Variants in SPATA16 observed in about 807,000 individuals in gnomAD.
SPATA16 encodes spermatogenesis-associated protein 16.
SPATA16 carries 36 observed loss-of-function variants against 63.3 expected under a neutral mutation model. The observed-to-expected ratio is 0.57, with a 90% CI of 0.44 to 0.75. The LOEUF (loss-of-function observed/expected upper bound fraction) is 0.75, where lower values mean the gene tolerates loss of function less well. SPATA16 is among the 30% of genes least tolerant of loss of function. The pLI, the probability that SPATA16 is intolerant of heterozygous loss-of-function variation, is 0.00. For missense variants in SPATA16, 646 were observed against 679.3 expected, an observed-to-expected ratio of 0.95 and a Z score of 0.54; for synonymous variants, 203 against 216.7, an observed-to-expected ratio of 0.94 and a Z score of 0.56.
At chr3:173,094,561 G>A (rs982354561) in intron 2 of SPATA16, among the ~76,000 whole-genome samples, 2 of 152,124 alleles carry the variant, frequency 1.3e-5, no homozygotes, top group East Asian at 1.9e-4. Context: ...ATATTTTAAA[G>A]GTTTTTGGAT....
At chr3:173,049,218 G>T in intron 2 of SPATA16, 124 bp from the exon 3 acceptor site, 2 of 1,032,742 alleles carry the variant, frequency 1.9e-6, no homozygotes, top group Non-Finnish European at 2.8e-6. Flanking sequence ...TATGTTTTGC[G>T]TATATGTTAA....
intron 6 of SPATA16, among the ~76,000 whole-genome samples, chr3:172,934,958 A>G (rs1057084364): frequency 3.3e-5 from 5 of 152,148 alleles, no homozygotes; most frequent in African/African-American, 1.2e-4. Flanking sequence ...GACCACTATT[A>G]TTATTATCTA....
chr3:173,027,375 T>A (rs901678548), intron 3 of SPATA16, among the ~76,000 whole-genome samples: 1 of 151,990 alleles, frequency 6.6e-6, no homozygotes, highest in Non-Finnish European at 1.5e-5. Context: ...GATGACTTAT[T>A]TATTTCTTTC....
At chr3:173,028,403 A>G (rs1735518681) in intron 3 of SPATA16, among the ~76,000 whole-genome samples, 1 of 152,026 alleles carries the variant, frequency 6.6e-6, no homozygotes, top group South Asian at 2.1e-4. Flanking sequence ...GATCTGTGTT[A>G]TTATGAAATA....
At chr3:173,121,001 A>C (rs759806266) in intron 1 of SPATA16, among the ~76,000 whole-genome samples, 1 of 152,198 alleles carries the variant, frequency 6.6e-6, no homozygotes, top group Non-Finnish European at 1.5e-5. Context: ...GTATCTAAGC[A>C]AATGTTTAGC....
rs764534706 is a variant in SPATA16, at chr3:173,117,574, C to A, written c.158G>T (p.Gly53Val). 1 of 1,613,728 alleles carries A rather than the reference C, an allele frequency of 6.2e-7. No individual in the cohort carries two copies. Among genetic ancestry groups the A allele is most frequent in the Non-Finnish European group, 8.5e-7 (1 of 1,179,860 alleles). ...TTCAAGTGTGATTTCTACCTGTTTACCTCCACAGTTTTTCTTAATCTCTTG... is the reference window on the plus strand; with the variant it reads ...TTCAAGTGTGATTTCTACCTGTTTAACTCCACAGTTTTTCTTAATCTCTTG... The part of the protein sequence containing the change: ...MSQEIKKNCG[G>V]KQVEITLERT... Residue 53 changes from glycine to valine, a missense_variant, in exon 2 of 11, where the codon GGT becomes GTT. Transcript: ENST00000351008.
chr3:173,131,965 T>A (rs1318544391), intron 1 of SPATA16, among the ~76,000 whole-genome samples: 3 of 150,468 alleles, frequency 2.0e-5, no homozygotes, highest in African/African-American at 7.3e-5. Flanking sequence ...AGATAACAAT[T>A]AAAAAAAAAC....
At position 173,000,193 on chromosome 3, in the gene SPATA16, T is replaced by C. The variant is rs527849706; in HGVS notation, c.848+19293A>G. The stretch of plus-strand genomic sequence containing the variant: ...TTGCCCTTTCCAGCATGTGAGGACA[T>C]AGAAGGAGCCATCTATGAGGAACAG... On this transcript the variant is annotated intron_variant, in intron 4 of 10. Transcript: ENST00000351008. Among the ~76,000 whole-genome samples, 125 of 152,308 alleles carry C rather than the reference T, an allele frequency of 8.2e-4. 1 individual carries two copies. The highest frequency in any genetic ancestry group is 2.9e-3 in the African/African-American group (121 of 41,556).
chr3:172,936,380 T>G (rs1220543601), intron 6 of SPATA16, among the ~76,000 whole-genome samples: 1 of 152,236 alleles, frequency 6.6e-6, no homozygotes, highest in Non-Finnish European at 1.5e-5. Flanking sequence ...GTGAACACAT[T>G]GAAGTTATAG....
chr3:173,051,933 G>A (rs944659985), intron 2 of SPATA16, among the ~76,000 whole-genome samples: 1 of 151,456 alleles, frequency 6.6e-6, no homozygotes, highest in East Asian at 2.0e-4. Context: ...TGCCTCAGCC[G>A]CCCAAGTAAC....
At chr3:172,989,738 C>T (rs973320253) in intron 4 of SPATA16, among the ~76,000 whole-genome samples, 1 of 152,154 alleles carries the variant, frequency 6.6e-6, no homozygotes, top group African/African-American at 2.4e-5. Context: ...GTATTCTGCC[C>T]AGGTCTTAAC....
At chr3:173,120,719 C>T (rs1306582069) in intron 1 of SPATA16, among the ~76,000 whole-genome samples, 1 of 152,128 alleles carries the variant, frequency 6.6e-6, no homozygotes, top group East Asian at 1.9e-4. Flanking sequence ...CTCTCCATTT[C>T]CCTCCATCCC....
At chr3:173,093,211 T>TTAGAAGATAG (rs1186432928) in intron 2 of SPATA16, among the ~76,000 whole-genome samples, 14 of 152,236 alleles carry the variant, frequency 9.2e-5, no homozygotes, top group African/African-American at 2.9e-4. Flanking sequence ...AATGGTGGTG[T>TTAGAAGATAG]TAGAAGATAG....
At chr3:172,955,538 T>G (rs1198002203) in intron 6 of SPATA16, among the ~76,000 whole-genome samples, 2 of 152,192 alleles carry the variant, frequency 1.3e-5, no homozygotes, top group Non-Finnish European at 2.9e-5. Flanking sequence ...CGTATTATGC[T>G]TCTCCTCTTC....
chr3:173,131,373 A>G (rs777833442), intron 1 of SPATA16, among the ~76,000 whole-genome samples: 19 of 152,168 alleles, frequency 1.2e-4, no homozygotes, highest in Non-Finnish European at 2.6e-4. Context: ...TAAGAAGGCT[A>G]TGAAGAGGGT....
At position 173,119,044 on chromosome 3, in the gene SPATA16, C is replaced by T. The variant is rs572177383; in HGVS notation, c.-18-1295G>A. 3.3e-5 allele frequency among the ~76,000 whole-genome samples: 5 copies of T among 152,160 alleles called. No homozygotes were observed. In the East Asian group the frequency reaches 9.7e-4, roughly 29 times the overall value. The stretch of plus-strand genomic sequence containing the variant: ...TGTTTGTTTGGAAGACAGTAGTTTG[C>T]CGAAGAAGACCCTTAAAACCAAACA... On this transcript the variant is annotated intron_variant, in intron 1 of 10. Transcript: ENST00000351008.
chr3:172,984,492 C>T (rs1201402366), intron 4 of SPATA16, among the ~76,000 whole-genome samples: 1 of 152,178 alleles, frequency 6.6e-6, no homozygotes, highest in Non-Finnish European at 1.5e-5. Flanking sequence ...TGATAATGCT[C>T]TGGGTTCAGG....
chr3:173,003,693 A>G (rs1185033615), intron 4 of SPATA16, among the ~76,000 whole-genome samples: 4 of 152,234 alleles, frequency 2.6e-5, no homozygotes, highest in African/African-American at 4.8e-5. Context: ...CATACTGTTC[A>G]TACCAGTGTT....
Position 173,019,487 on chromosome 3 carries a change from G to A in SPATA16, c.847C>T (p.Arg283Trp), listed in dbSNP as rs138158227. 9.3e-6 allele frequency: 15 copies of A among 1,613,086 alleles called. No individual in the cohort carries two copies. The highest frequency in any genetic ancestry group is 2.7e-5 in the African/African-American group (2 of 74,956). Residue 283 changes from arginine (R) to tryptophan (W), a missense_variant and splice_region_variant, in exon 4 of 11, where the codon CGG becomes TGG. By Grantham distance (101) the Arg-to-Trp change is moderately radical. Transcript: ENST00000351008. The part of the protein sequence containing the change: ...RCLERYSEAA[R>W]SAMIADYMFW... ...TCACAAAAGTTAAAACAAACATACC[G>A]GGCAGCCTCTGAATACCTCTCCAGA...
Sources: gnomAD v4.1 joint callset for allele counts (sites outside exome capture counted in the v4.1 genomes callset) on GRCh38, gnomAD v4.1.1 for gene constraint, MANE v1.5 for transcripts, NCBI Gene and HGNC (gene_info 2026-07-23, HGNC 2026-07-21) for gene names.